The following MXRA5 variants were observed in gnomAD, a reference collection of about 807,000 sequenced individuals.
MXRA5 encodes the protein matrix-remodeling-associated protein 5.
MXRA5 carries 41 observed loss-of-function variants against 112.5 expected under a neutral mutation model. The observed-to-expected ratio is 0.36, with a 90% CI of 0.28 to 0.47. MXRA5 has a LOEUF of 0.47. MXRA5 is among the 20% of genes least tolerant of loss of function. MXRA5 has a pLI of 0.99. For synonymous variants in MXRA5, 862 were observed against 900.8 expected, an observed-to-expected ratio of 0.96 and a Z score of 0.77; for missense variants, 2,150 against 2,251.0, an observed-to-expected ratio of 0.96 and a Z score of 0.91.
chrX:3,326,049 ATATT>A (rs1410413247), intron 4 of MXRA5, among the ~76,000 whole-genome samples: 1 of 71,227 alleles, frequency 1.4e-5, no homozygotes, highest in Non-Finnish European at 2.4e-5. Context: ...ATATATAAAT[ATATT>A]TATATATATT....
chrX:3,321,746 A>C lies in MXRA5; in HGVS notation c.3939T>G (p.Leu1313=), dbSNP rs1234362474. ...YSSYPKVQET[L]PVTYKPTSDG... is the part of the protein sequence containing the mutation. ...CTGATGTGGGTTTATATGTGACTGG[A>C]AGTGTCTCTTGGACTTTAGGGTAAG... The change falls in exon 5 of 7, where the codon CTT becomes CTG. Residue 1313 remains leucine (L), a synonymous_variant. Transcript: ENST00000217939. 7 of 1,209,331 alleles carry C rather than the reference A, an allele frequency of 5.8e-6. No homozygotes were observed. In the African/African-American group the frequency reaches 7.0e-5, roughly 12 times the overall value.
chrX:3,316,278 C>T (rs1387433295), intron 6 of MXRA5, among the ~76,000 whole-genome samples: 3 of 90,491 alleles, frequency 3.3e-5, no homozygotes, highest in Admixed American at 2.5e-4. Context: ...AGTGCCACTG[C>T]ACTCCAGCCT....
chrX:3,326,803 C>G (rs1921522784), intron 4 of MXRA5, among the ~76,000 whole-genome samples: 1 of 110,394 alleles, frequency 9.1e-6, no homozygotes, highest in African/African-American at 3.3e-5. Flanking sequence ...CCTTTCCTTT[C>G]TGGTCGGCTT....
rs755876361 is a variant in MXRA5 at position 3,311,076 on chromosome X, G to A, written c.7127C>T (p.Pro2376Leu). ...GGTTGGGGACAACCAAGTCACCTTG[G>A]GCATGGGTTCTCCTTTGGCCTCACA... ...VACEAKGEPM[P>L]KVTWLSPTNK... The change falls in exon 7 of 7, where the codon CCC becomes CTC. Residue 2376 changes from proline to leucine, a missense_variant. By Grantham distance (98) the Pro-to-Leu change is moderately conservative (BLOSUM62 -3). This residue lies in a region of MXRA5 where 1,485 missense variants were observed against 1,471.6 expected (regional missense o/e 1.01). Transcript: ENST00000217939. 1.2e-5 allele frequency: 15 copies of A among 1,209,344 alleles called. No individual in the cohort carries two copies. The highest frequency in any genetic ancestry group is 4.5e-6 in the Non-Finnish European group (4 of 895,087).
chrX:3,327,186 C>T (rs758804814), intron 4 of MXRA5, among the ~76,000 whole-genome samples: 1 of 85,373 alleles, frequency 1.2e-5, no homozygotes, highest in Admixed American at 1.3e-4. Context: ...TTATAAAGCT[C>T]CTAACTGGCT....
In MXRA5 at chrX:3,320,295, C is replaced by T. The variant is rs867779664; in HGVS notation, c.5390G>A (p.Gly1797Glu). The change falls in exon 5 of 7, where the codon GGA (glycine) becomes GAA (glutamate). Residue 1797 changes from glycine to glutamate, a missense_variant. Gly to Glu is a moderately conservative substitution (Grantham distance 98, BLOSUM62 -2). Around this residue, in one of 6 missense-constraint regions of MXRA5, gnomAD observed 1,485 missense variants for 1,471.6 expected, o/e 1.01. Coordinates refer to ENST00000217939, the MANE Select transcript of MXRA5 (RefSeq NM_015419.4). ...ATTCTGTAAGTTAGTTGAGGGTGATCCCGTGGTCTGCGGAGTGTGCAACAA... is the reference window on the plus strand; with the variant it reads ...ATTCTGTAAGTTAGTTGAGGGTGATTCCGTGGTCTGCGGAGTGTGCAACAA... ...PPLLHTPQTT[G>E]SPSTNLQNIP... The T allele has an allele frequency of 8.3e-7, 1 of 1,211,402 alleles. No individual in the cohort carries two copies.
At chrX:3,329,967 A>G in intron 4 of MXRA5, 51 bp downstream of exon 4, 14 of 1,145,702 alleles carry the variant, frequency 1.2e-5, no homozygotes, top group Non-Finnish European at 1.6e-5. Context: ...ACGTCTCCAA[A>G]AAGATAAAAG....
At chrX:3,311,679 G>A (rs1398240198) in intron 6 of MXRA5, 55 bp from the exon 7 acceptor site, 9 of 1,020,166 alleles carry the variant, frequency 8.8e-6, no homozygotes, top group Non-Finnish European at 1.2e-5. Context: ...GCTCTAGTGT[G>A]GCATTAGGTC....
intron 2 of MXRA5, among the ~76,000 whole-genome samples, chrX:3,334,023 C>T (rs1921729959): frequency 1.8e-5 from 2 of 111,429 alleles, no homozygotes; most frequent in Non-Finnish European, 3.8e-5. Context: ...GCTCTGTTGT[C>T]CAGGCCAGAG....
At chrX:3,313,891 G>T (rs1486714510) in intron 6 of MXRA5, among the ~76,000 whole-genome samples, 3 of 112,017 alleles carry the variant, frequency 2.7e-5, no homozygotes, top group African/African-American at 9.7e-5. Context: ...TGGATTGATT[G>T]TGCAAGCTCT....
intron 2 of MXRA5, among the ~76,000 whole-genome samples, chrX:3,332,487 G>A (rs762443419): frequency 7.3e-5 from 8 of 110,196 alleles, no homozygotes; most frequent in East Asian, 5.7e-4. Flanking sequence ...CTCCTGATCC[G>A]CCCCACTCGG....
chrX:3,326,165 T>TA (rs1921491216), intron 4 of MXRA5, among the ~76,000 whole-genome samples: 2 of 97,543 alleles, frequency 2.1e-5, no homozygotes, highest in African/African-American at 3.8e-5. Flanking sequence ...TTTATAATTA[T>TA]AATTTATAAT....
In MXRA5 at chrX:3,309,738, G is replaced by T; in HGVS notation, c.8465C>A (p.Thr2822Lys). Residue 2822 changes from threonine (T) to lysine (K), a missense_variant, in exon 7 of 7, where the codon ACA (threonine) becomes AAA (lysine). By Grantham distance (78) the Thr-to-Lys change is moderately conservative. Coordinates refer to ENST00000217939, the MANE Select transcript of MXRA5 (RefSeq NM_015419.4). ...AKNILGSDSK[T>K]TYIHVF is the part of the protein sequence containing the mutation. ...ATTTCAGAAGACGTGGATGTAAGTT[G>T]TTTTGGAGTCACTGCCGAGAATGTT... 8.3e-7 allele frequency: 1 copy of T among 1,210,914 alleles called. No homozygotes were observed. The highest frequency in any genetic ancestry group is 1.1e-6 in the Non-Finnish European group (1 of 894,778).
intron 2 of MXRA5, among the ~76,000 whole-genome samples, chrX:3,332,631 A>C (rs1921694607): frequency 1.8e-5 from 2 of 112,465 alleles, no homozygotes; most frequent in South Asian, 7.3e-4. Flanking sequence ...TGTTGTATAG[A>C]TTCAATATGG....
chrX:3,337,048 A>G (rs767192796), intron 2 of MXRA5, among the ~76,000 whole-genome samples: 10 of 112,264 alleles, frequency 8.9e-5, no homozygotes, highest in Admixed American at 1.9e-4. Context: ...ATAGTTGTAA[A>G]TTTCATAAGG....
In MXRA5 at chrX:3,317,412, C is replaced by A. The variant is rs1395102070; in HGVS notation, c.6269G>T (p.Arg2090Leu). Residue 2090 changes from arginine to leucine, a missense_variant, in exon 6 of 7, where the codon CGC becomes CTC. Around this residue, in one of 6 missense-constraint regions of MXRA5, gnomAD observed 1,485 missense variants for 1,471.6 expected, o/e 1.01. Transcript: ENST00000217939. ...RWVLGDGTQI[R>L]PSQFLHGNLF... ...GTTCCCGTGGAGGAACTGCGAGGGG[C>A]GGATCTGGGTACCGTCCCCGAGCAC... The A allele has an allele frequency of 8.3e-7, 1 of 1,203,872 alleles. No homozygotes were observed. Among genetic ancestry groups the A allele is most frequent in the Admixed American group, 2.2e-5 (1 of 45,437 alleles).
rs372180159 is a variant in MXRA5, at chrX:3,343,626, G to T, written c.188+20C>A. 3.3e-6 allele frequency: 4 copies of T among 1,197,573 alleles called. No individual in the cohort carries two copies. In the African/African-American group the frequency reaches 7.0e-5, roughly 21 times the overall value. Reference sequence around the variant, plus strand: ...GCACGCACTGACAGTGGGAAGGTTCGGGAAGAAAGTGGTACAAACCCCAAA... The same window carrying T: ...GCACGCACTGACAGTGGGAAGGTTCTGGAAGAAAGTGGTACAAACCCCAAA... On this transcript the variant is annotated intron_variant, in intron 2 of 6. Transcript: ENST00000217939.
In MXRA5 at chrX:3,311,399, G is replaced by A. The variant is rs137915043; in HGVS notation, c.6804C>T (p.Thr2268=). 207 of 1,210,022 alleles carry A rather than the reference G, an allele frequency of 1.7e-4. 1 individual carries two copies. The highest frequency in any genetic ancestry group is 1.6e-3 in the Middle Eastern group (7 of 4,280). ...AGGAGATCTCGGGATTGGGAAGCCC[G>A]GTGGCCACACAGTCCACTTTCAGGT... The part of the protein sequence containing the change: ...GGDLKVDCVA[T]GLPNPEISWS... The change falls in exon 7 of 7, where the codon ACC becomes ACT. Residue 2268 remains threonine (T), a synonymous_variant. Transcript: ENST00000217939.
intron 2 of MXRA5, among the ~76,000 whole-genome samples, chrX:3,338,238 T>G (rs1921824804): frequency 8.9e-6 from 1 of 111,754 alleles, no homozygotes; most frequent in Non-Finnish European, 1.9e-5. Context: ...GTGTGATATG[T>G]TCTCCTTCCA....
Sources: allele counts gnomAD v4.1 joint callset (sites outside exome capture counted in the v4.1 genomes callset), GRCh38; gene constraint gnomAD v4.1.1; regional missense constraint gnomAD v4.1.1; transcripts MANE v1.5; gene names NCBI Gene and HGNC (gene_info 2026-07-23, HGNC 2026-07-21).